Variants in GRIK2 observed in about 807,000 individuals in gnomAD.
GRIK2 encodes the protein glutamate receptor ionotropic, kainate 2.
GRIK2 carries 32 observed loss-of-function variants against 100.3 expected under a neutral mutation model. The ratio of observed to expected loss-of-function variants is 0.32; its 90% CI spans 0.24 to 0.43. The LOEUF is 0.43. Among genes scored for constraint, GRIK2 ranks in the 20% least tolerant of loss-of-function variants. The pLI, the probability that GRIK2 is intolerant of heterozygous loss-of-function variation, is 1.00. For synonymous variants in GRIK2, 417 were observed against 389.4 expected, an observed-to-expected ratio of 1.07 and a Z score of -0.83; for missense variants, 843 against 1,114.9, an observed-to-expected ratio of 0.76 and a Z score of 3.47.
At position 101,732,602 on chromosome 6, in the gene GRIK2, C is replaced by T. The variant is rs570283645; in HGVS notation, c.951+46249C>T. 9.2e-5 allele frequency among the ~76,000 whole-genome samples: 14 copies of T among 152,154 alleles called. No individual in the cohort carries two copies. The East Asian group carries it at 2.5e-3, about 27-fold the overall frequency. ...AACTGGCCAAATATTTATACTTTGC[C>T]TCTGTGTTTTCATTAATGGAATTTT... On this transcript the variant is annotated intron_variant, in intron 7 of 16. Coordinates refer to ENST00000369134, the MANE Select transcript of GRIK2 (RefSeq NM_021956.5).
At chr6:101,988,113 G>A (rs1794124130) in intron 14 of GRIK2, among the ~76,000 whole-genome samples, 1 of 44,208 alleles carries the variant, frequency 2.3e-5, no homozygotes, top group African/African-American at 9.5e-5. Context: ...GTGTGTGTGT[G>A]TGTGTGTGTG....
chr6:102,061,630 T>A (rs1771757280), intron 16 of GRIK2, among the ~76,000 whole-genome samples: 2 of 150,560 alleles, frequency 1.3e-5, no homozygotes. Flanking sequence ...TAACTTTGTT[T>A]AACCTTAGAT....
intron 7 of GRIK2, among the ~76,000 whole-genome samples, chr6:101,708,337 T>C (rs1159438956): frequency 7.0e-6 from 1 of 142,790 alleles, no homozygotes; most frequent in South Asian, 2.3e-4. Flanking sequence ...TCTTACTTTA[T>C]ATATTTAAAA....
intron 12 of GRIK2, among the ~76,000 whole-genome samples, chr6:101,893,369 C>T (rs987449328): frequency 6.6e-6 from 1 of 151,642 alleles, no homozygotes; most frequent in Non-Finnish European, 1.5e-5. Context: ...ACTTTAATAA[C>T]AGATTTCGTA....
chr6:101,761,868 C>G (rs1261472895), intron 7 of GRIK2, among the ~76,000 whole-genome samples: 1 of 129,824 alleles, frequency 7.7e-6, no homozygotes, highest in South Asian at 2.7e-4. Flanking sequence ...TTTCCTTTCC[C>G]CTCCCTTCCT....
chr6:101,445,358 A>G (rs1048155851), intron 2 of GRIK2, among the ~76,000 whole-genome samples: 1 of 146,912 alleles, frequency 6.8e-6, no homozygotes, highest in Non-Finnish European at 1.5e-5. Flanking sequence ...CATATTCCAT[A>G]TCCGAGAACT....
chr6:101,704,335 G>C (rs1773107282), intron 7 of GRIK2, among the ~76,000 whole-genome samples: 1 of 151,726 alleles, frequency 6.6e-6, no homozygotes, highest in African/African-American at 2.4e-5. Flanking sequence ...TGAAAATGTG[G>C]ATTGAAGTTC....
intron 1 of GRIK2, among the ~76,000 whole-genome samples, chr6:101,396,924 T>C (rs562541850): frequency 1.3e-5 from 2 of 152,194 alleles, no homozygotes; most frequent in Non-Finnish European, 2.9e-5. Context: ...AAGTACAATC[T>C]TTTAACTGTT....
intron 2 of GRIK2, among the ~76,000 whole-genome samples, chr6:101,418,091 A>G (rs558077028): frequency 5.3e-4 from 80 of 152,296 alleles, no homozygotes; most frequent in African/African-American, 1.5e-3. Context: ...TTATCCACAG[A>G]TCTGAGAGGA....
chr6:101,420,704 G>T (rs4840187), intron 2 of GRIK2, among the ~76,000 whole-genome samples: 104,669 of 152,008 alleles, frequency 0.69, 36,310 homozygotes, highest in East Asian at 0.92. Context: ...GGTGCTGTGT[G>T]AGCCACTGGG....
chr6:101,934,154 G>A (rs1258639893), intron 14 of GRIK2, among the ~76,000 whole-genome samples: 1 of 151,756 alleles, frequency 6.6e-6, no homozygotes, highest in African/African-American at 2.4e-5. Context: ...GCCACAAAGA[G>A]GTTAAGTGAC....
At position 101,542,943 on chromosome 6, in the gene GRIK2, T is replaced by C. The variant is rs117802023; in HGVS notation, c.116-79006T>C. Among the ~76,000 whole-genome samples the C allele has an allele frequency of 3.7e-3, 568 of 152,246 alleles. 5 individuals carry two copies. Among genetic ancestry groups the C allele is most frequent in the Middle Eastern group, 0.024 (7 of 294 alleles). On this transcript the variant is annotated intron_variant, in intron 2 of 16. Coordinates refer to ENST00000369134, the MANE Select transcript of GRIK2 (RefSeq NM_021956.5). ...AAGGAGGGTAAGAAAGTACCCTAGA[T>C]GTACTAGAATGATACCTTCTCTTAA...
intron 12 of GRIK2, among the ~76,000 whole-genome samples, chr6:101,921,379 A>T (rs1789480784): frequency 6.6e-6 from 1 of 152,056 alleles, no homozygotes; most frequent in African/African-American, 2.4e-5. Flanking sequence ...AGTGAATAGG[A>T]TTTAATATAT....
intron 15 of GRIK2, among the ~76,000 whole-genome samples, chr6:102,042,467 G>A (rs897689091): frequency 1.3e-5 from 2 of 151,652 alleles, no homozygotes; most frequent in African/African-American, 4.8e-5. Context: ...CCTGTTATTA[G>A]TGCAGGGACT....
intron 11 of GRIK2, among the ~76,000 whole-genome samples, chr6:101,868,800 T>G (rs1785210019): frequency 6.6e-6 from 1 of 152,004 alleles, no homozygotes; most frequent in Admixed American, 6.6e-5. Context: ...AGAAAAAAAT[T>G]GCTCAAATAA....
At chr6:101,773,110 G>A (rs1778507275) in intron 7 of GRIK2, among the ~76,000 whole-genome samples, 1 of 152,114 alleles carries the variant, frequency 6.6e-6, no homozygotes, top group African/African-American at 2.4e-5. Context: ...GCAAGCAGAG[G>A]CATTTCCTCA....
At chr6:101,682,739 C>G (rs1336630875) in intron 6 of GRIK2, 133 bp downstream of exon 6, 1 of 493,496 alleles carries the variant, frequency 2.0e-6, no homozygotes, top group Non-Finnish European at 3.6e-6. Context: ...AAGACTCCAC[C>G]AAAATTATTA....
intron 13 of GRIK2, 24 bp downstream of exon 13, chr6:101,924,743 C>T: frequency 1.5e-6 from 2 of 1,373,460 alleles, no homozygotes; most frequent in Non-Finnish European, 2.1e-6. Context: ...CCTGCTATTT[C>T]CTTTGGGCAC....
chr6:101,705,848 CT>C (rs1190926055), intron 7 of GRIK2, among the ~76,000 whole-genome samples: 4 of 151,678 alleles, frequency 2.6e-5, no homozygotes, highest in East Asian at 1.9e-4. Flanking sequence ...TGCATTGTTT[CT>C]TTTTTAGCTG....
Sources: allele counts gnomAD v4.1 joint callset (sites outside exome capture counted in the v4.1 genomes callset), GRCh38; gene constraint gnomAD v4.1.1; transcripts MANE v1.5; gene names NCBI Gene and HGNC (gene_info 2026-07-23, HGNC 2026-07-21).